The following SYNJ2BP variants were observed in gnomAD, a reference collection of about 807,000 sequenced individuals.
SYNJ2BP encodes the protein synaptojanin-2-binding protein.
Under a neutral mutation model 16.9 loss-of-function variants are expected in SYNJ2BP, and 10 were observed. The observed-to-expected ratio is 0.59, with a 90% CI of 0.36 to 1.00. The LOEUF (loss-of-function observed/expected upper bound fraction) is 1.00. Ranked by LOEUF, SYNJ2BP falls within the 50% of genes least tolerant of loss-of-function variation. SYNJ2BP has a pLI of 0.01. For missense variants in SYNJ2BP, 162 were observed against 186.7 expected (o/e 0.87, Z 0.77); for synonymous variants, 54 against 68.4 (o/e 0.79, Z 1.04).
At chr14:70,389,820 G>A (rs761667732) in intron 1 of SYNJ2BP, among the ~76,000 whole-genome samples, 12 of 152,102 alleles carry the variant, frequency 7.9e-5, no homozygotes, top group African/African-American at 1.4e-4. Context: ...CTGACTACTC[G>A]TTGATTAGCA....
chr14:70,415,492 A>G (rs1232683883), intron 1 of SYNJ2BP, among the ~76,000 whole-genome samples: 1 of 150,952 alleles, frequency 6.6e-6, no homozygotes, highest in Admixed American at 6.6e-5. Flanking sequence ...GAGAGGCTGC[A>G]GTGGGCTGAG....
intron 2 of SYNJ2BP, among the ~76,000 whole-genome samples, chr14:70,385,027 T>C (rs1296969272): frequency 3.9e-5 from 6 of 152,192 alleles, no homozygotes; most frequent in Non-Finnish European, 8.8e-5. Flanking sequence ...AAACATATCA[T>C]TCCTTGTAAC....
At position 70,372,327 on chromosome 14, in the gene SYNJ2BP, T is replaced by C. The variant is rs748793091; in HGVS notation, c.*664A>G. On this transcript the variant is annotated 3_prime_UTR_variant, in exon 4 of 4. Transcript: ENST00000256366. Reference sequence around the variant, plus strand: ...CGTCCTCTTATAAGGCTCACTCCCTTGTTCCTACTACATTTGCTCTGTTTA... The same window carrying C: ...CGTCCTCTTATAAGGCTCACTCCCTCGTTCCTACTACATTTGCTCTGTTTA... The C allele has an allele frequency of 6.6e-6, 1 of 152,584 alleles. No homozygotes were observed. The highest frequency in any genetic ancestry group is 1.5e-5 in the Non-Finnish European group (1 of 68,042). The allele number at this position is 152,584 out of a possible 1,614,324, so 9.5% of individuals were successfully genotyped here.
At chr14:70,374,133 A>T (rs1887575240) in intron 3 of SYNJ2BP, among the ~76,000 whole-genome samples, 1 of 152,232 alleles carries the variant, frequency 6.6e-6, no homozygotes, top group South Asian at 2.1e-4. Flanking sequence ...ATGTTTCCTT[A>T]AAAGTGAACA....
At chr14:70,380,351 T>C (rs924396382) in intron 2 of SYNJ2BP, among the ~76,000 whole-genome samples, 1 of 152,198 alleles carries the variant, frequency 6.6e-6, no homozygotes, top group Non-Finnish European at 1.5e-5. Context: ...TTGTATTTAA[T>C]GTTACACATT....
chr14:70,382,726 G>T (rs141658052), intron 2 of SYNJ2BP, among the ~76,000 whole-genome samples: 420 of 152,260 alleles, frequency 2.8e-3, no homozygotes, highest in Non-Finnish European at 4.3e-3. Context: ...AGAAAATTTC[G>T]CTGACTCTGA....
chr14:70,370,609 T>A lies in SYNJ2BP; in HGVS notation c.*2382A>T, dbSNP rs1887498529. ...TTTCCAATTGAGCCTGATGCCATTA[T>A]GTGACATCTTTTTTTCCCTGAATTT... On this transcript the variant is annotated 3_prime_UTR_variant, in exon 4 of 4. Coordinates refer to ENST00000256366, the MANE Select transcript of SYNJ2BP (RefSeq NM_018373.3). 6.6e-6 allele frequency: 1 copy of A among 152,222 alleles called. No homozygotes were observed. The highest frequency in any genetic ancestry group is 2.1e-4 in the South Asian group (1 of 4,830). The allele number at this position is 152,222 out of a possible 1,614,324, so 9.4% of individuals were successfully genotyped here. A position where few individuals can be genotyped will look rare whatever the true frequency, so the allele number is the denominator to read the frequency against.
At chr14:70,377,760 T>C (rs548540460) in intron 2 of SYNJ2BP, among the ~76,000 whole-genome samples, 2 of 152,316 alleles carry the variant, frequency 1.3e-5, no homozygotes, top group African/African-American at 4.8e-5. Context: ...TACTTAACTA[T>C]TATCTTTCTC....
At chr14:70,385,733 T>C (rs1887846476) in intron 2 of SYNJ2BP, among the ~76,000 whole-genome samples, 1 of 152,178 alleles carries the variant, frequency 6.6e-6, no homozygotes. Flanking sequence ...TAATTCACCA[T>C]GTAACTTTGT....
chr14:70,404,289 AAC>A (rs1192978530), intron 1 of SYNJ2BP, among the ~76,000 whole-genome samples: 3 of 152,218 alleles, frequency 2.0e-5, no homozygotes, highest in African/African-American at 7.2e-5. Context: ...CTTAAAGACA[AAC>A]ACAAAAAAAT....
chr14:70,383,363 G>C (rs1887792916), intron 2 of SYNJ2BP, among the ~76,000 whole-genome samples: 1 of 152,154 alleles, frequency 6.6e-6, no homozygotes, highest in African/African-American at 2.4e-5. Flanking sequence ...CATTTCCTTT[G>C]TAACTTTCCC....
rs1230214789 is a variant in SYNJ2BP, at chr14:70,372,790, T to G, written c.*201A>C. ...CTCATTTGTTCTAAGCCAAGTCTTT[T>G]CTTCAGTTTTCCTTCAAACAATACC... On this transcript the variant is annotated 3_prime_UTR_variant, in exon 4 of 4. Coordinates refer to ENST00000256366, the MANE Select transcript of SYNJ2BP (RefSeq NM_018373.3). 3 of 715,190 alleles carry G rather than the reference T, an allele frequency of 4.2e-6. No homozygotes were observed. The highest frequency in any genetic ancestry group is 6.5e-6 in the Non-Finnish European group (3 of 458,668). 44.3% of individuals were successfully genotyped at this position (715,190 alleles called of 1,614,324 possible).
At chr14:70,402,528 C>T (rs139467099) in intron 1 of SYNJ2BP, among the ~76,000 whole-genome samples, 2 of 152,074 alleles carry the variant, frequency 1.3e-5, no homozygotes, top group East Asian at 3.9e-4. Flanking sequence ...GGTTTTTAGA[C>T]ACTTAATATC....
At chr14:70,411,822 C>T (rs1029601186) in intron 1 of SYNJ2BP, among the ~76,000 whole-genome samples, 2 of 152,226 alleles carry the variant, frequency 1.3e-5, no homozygotes, top group African/African-American at 4.8e-5. Flanking sequence ...CCACTAACTA[C>T]CTCCTCATCA....
chr14:70,413,372 C>T (rs1456750266), intron 1 of SYNJ2BP, among the ~76,000 whole-genome samples: 1 of 152,200 alleles, frequency 6.6e-6, no homozygotes, highest in Non-Finnish European at 1.5e-5. Context: ...GGCGGGGTGG[C>T]TCACGCCTGT....
rs946980558 is a variant in SYNJ2BP, at chr14:70,402,036, G to A, written c.65-13430C>T. On this transcript the variant is annotated intron_variant, in intron 1 of 3. Coordinates refer to ENST00000256366, the MANE Select transcript of SYNJ2BP (RefSeq NM_018373.3). Reference sequence around the variant, plus strand: ...AAGAAATCTAAAGGAGACTTCTAACGACTCAGACCCCTCAAGGAACGCTGA... The same window carrying A: ...AAGAAATCTAAAGGAGACTTCTAACAACTCAGACCCCTCAAGGAACGCTGA... 5.9e-5 allele frequency among the ~76,000 whole-genome samples: 9 copies of A among 152,140 alleles called. No homozygotes were observed. The South Asian group carries it at 6.2e-4, about 11-fold the overall frequency.
chr14:70,380,013 T>C (rs1044417880), intron 2 of SYNJ2BP, among the ~76,000 whole-genome samples: 1 of 152,216 alleles, frequency 6.6e-6, no homozygotes, highest in African/African-American at 2.4e-5. Flanking sequence ...TTGCAGAGAA[T>C]TATTGAACAT....
At chr14:70,416,323 T>C (rs1213576123) in intron 1 of SYNJ2BP, among the ~76,000 whole-genome samples, 4 of 151,086 alleles carry the variant, frequency 2.6e-5, no homozygotes, top group African/African-American at 9.7e-5. Context: ...TTTTCTTTTT[T>C]TTTTTTTTTT....
At chr14:70,377,762 A>T (rs1272454062) in intron 2 of SYNJ2BP, among the ~76,000 whole-genome samples, 1 of 152,132 alleles carries the variant, frequency 6.6e-6, no homozygotes, top group Non-Finnish European at 1.5e-5. Flanking sequence ...CTTAACTATT[A>T]TCTTTCTCTG....
Sources: gnomAD v4.1 joint callset for allele counts (sites outside exome capture counted in the v4.1 genomes callset) on GRCh38, gnomAD v4.1.1 for gene constraint, MANE v1.5 for transcripts, NCBI Gene and HGNC (gene_info 2026-07-23, HGNC 2026-07-21) for gene names.